The following CFAP20DC variants were observed in gnomAD, a reference collection of about 807,000 sequenced individuals.
CFAP20DC encodes CFAP20 domain containing, also known as protein CFAP20DC.
Under a neutral mutation model 101.7 loss-of-function variants are expected in CFAP20DC, and 84 were observed. That is an observed-to-expected ratio of 0.83 (90% CI 0.69 to 0.99). The LOEUF is 0.99. Ranked by LOEUF, CFAP20DC falls within the 50% of genes least tolerant of loss-of-function variation. CFAP20DC has a pLI of 0.00. For missense variants in CFAP20DC, 1,007 were observed against 970.3 expected (o/e 1.04, Z -0.50); for synonymous variants, 359 against 351.2 (o/e 1.02, Z -0.25).
intron 13 of CFAP20DC, among the ~76,000 whole-genome samples, chr3:58,838,677 T>C (rs972289030): frequency 3.5e-4 from 54 of 152,328 alleles, no homozygotes; most frequent in African/African-American, 1.2e-3. Context: ...TATACTTCCA[T>C]ACATTTTGCT....
chr3:58,974,443 C>T (rs965572935), intron 4 of CFAP20DC, among the ~76,000 whole-genome samples: 1 of 152,008 alleles, frequency 6.6e-6, no homozygotes, highest in Non-Finnish European at 1.5e-5. Context: ...TGGTTTTGTT[C>T]TTTTTTATGG....
At chr3:58,956,569 G>A (rs930896932) in intron 4 of CFAP20DC, among the ~76,000 whole-genome samples, 6 of 152,264 alleles carry the variant, frequency 3.9e-5, no homozygotes, top group Non-Finnish European at 7.3e-5. Context: ...CCTGGCTCCC[G>A]GATGGCACCT....
intron 7 of CFAP20DC, among the ~76,000 whole-genome samples, chr3:58,879,382 T>C (rs1162754472): frequency 6.6e-6 from 1 of 152,204 alleles, no homozygotes; most frequent in Non-Finnish European, 1.5e-5. Context: ...GAAAGAGGAT[T>C]AAATGTATAG....
At chr3:58,819,319 CA>C (rs1283971511) in intron 14 of CFAP20DC, among the ~76,000 whole-genome samples, 6 of 152,086 alleles carry the variant, frequency 3.9e-5, no homozygotes, top group East Asian at 1.9e-4. Context: ...AATAGAGACA[CA>C]AAAAACCCTT....
chr3:58,816,061 G>A lies in CFAP20DC; in HGVS notation c.2176-9605C>T, dbSNP rs549212223. On this transcript the variant is annotated intron_variant, in intron 14 of 16. Coordinates refer to ENST00000482387, the MANE Select transcript of CFAP20DC (RefSeq NM_001394063.1). ...TGCTGCTATAAAGACACATGCACACGTATATTTATTGTGGCATTATTCACA... is the reference window on the plus strand; with the variant it reads ...TGCTGCTATAAAGACACATGCACACATATATTTATTGTGGCATTATTCACA... 1.2e-4 allele frequency among the ~76,000 whole-genome samples: 18 copies of A among 151,904 alleles called. No individual in the cohort carries two copies. The East Asian group carries it at 2.5e-3, about 21-fold the overall frequency.
chr3:58,975,529 T>G (rs112816856), intron 4 of CFAP20DC, among the ~76,000 whole-genome samples: 3 of 152,346 alleles, frequency 2.0e-5, no homozygotes, highest in African/African-American at 7.2e-5. Context: ...TTACTCTTTA[T>G]TTTTCTATAC....
chr3:58,817,380 T>G (rs2075275352), intron 14 of CFAP20DC, among the ~76,000 whole-genome samples: 1 of 151,584 alleles, frequency 6.6e-6, no homozygotes, highest in East Asian at 1.9e-4. Flanking sequence ...GCAAAGAAGT[T>G]GAAAACTTCG....
At chr3:59,023,014 G>A (rs1219655143) in intron 4 of CFAP20DC, among the ~76,000 whole-genome samples, 1 of 152,088 alleles carries the variant, frequency 6.6e-6, no homozygotes, top group Non-Finnish European at 1.5e-5. Flanking sequence ...TAGAGGTGTG[G>A]TGGAGAGAAA....
chr3:58,995,676 G>T (rs1227833094), intron 4 of CFAP20DC, among the ~76,000 whole-genome samples: 1 of 152,196 alleles, frequency 6.6e-6, no homozygotes, highest in Admixed American at 6.5e-5. Flanking sequence ...TAGACTGAGT[G>T]AAGTAAATTG....
At chr3:58,847,626 A>G (rs1412556129) in intron 13 of CFAP20DC, among the ~76,000 whole-genome samples, 6 of 151,974 alleles carry the variant, frequency 3.9e-5, no homozygotes, top group African/African-American at 9.7e-5. Context: ...TCAGGGATCT[A>G]GAACTGGAAA....
At chr3:58,767,483 T>C (rs1388122793) in intron 15 of CFAP20DC, among the ~76,000 whole-genome samples, 1 of 152,242 alleles carries the variant, frequency 6.6e-6, no homozygotes, top group Admixed American at 6.5e-5. Flanking sequence ...CATTTCTTCA[T>C]AGAATTCATC....
intron 14 of CFAP20DC, among the ~76,000 whole-genome samples, chr3:58,813,140 A>G (rs2074806493): frequency 6.6e-6 from 1 of 151,884 alleles, no homozygotes; most frequent in Non-Finnish European, 1.5e-5. Flanking sequence ...AACCTCAAGT[A>G]CTGATCAATA....
chr3:58,986,129 C>A (rs372597952), intron 4 of CFAP20DC, among the ~76,000 whole-genome samples: 1 of 151,874 alleles, frequency 6.6e-6, no homozygotes, highest in African/African-American at 2.4e-5. Flanking sequence ...ACATAGTCTG[C>A]GAAAATATAA....
intron 4 of CFAP20DC, among the ~76,000 whole-genome samples, chr3:58,973,129 C>A (rs967850355): frequency 1.3e-5 from 2 of 152,062 alleles, no homozygotes; most frequent in Non-Finnish European, 2.9e-5. Context: ...CATTCTCACC[C>A]GAGTTTTAAA....
intron 15 of CFAP20DC, among the ~76,000 whole-genome samples, chr3:58,765,423 G>A (rs2070184977): frequency 7.2e-6 from 1 of 139,620 alleles, no homozygotes; most frequent in African/African-American, 2.7e-5. Context: ...AATTATTCTT[G>A]GTTCCTACAC....
At chr3:58,934,539 C>T (rs532122641) in intron 5 of CFAP20DC, among the ~76,000 whole-genome samples, 2 of 152,280 alleles carry the variant, frequency 1.3e-5, no homozygotes, top group African/African-American at 4.8e-5. Context: ...TACTGGCAAA[C>T]CGAATCCAGC....
chr3:59,012,587 G>A (rs140817023), intron 4 of CFAP20DC, among the ~76,000 whole-genome samples: 2 of 152,322 alleles, frequency 1.3e-5, no homozygotes, highest in Non-Finnish European at 2.9e-5. Context: ...CAATACCACA[G>A]TAAAGCTCAT....
At chr3:58,938,591 A>G (rs751800495) in intron 4 of CFAP20DC, among the ~76,000 whole-genome samples, 16 of 152,184 alleles carry the variant, frequency 1.1e-4, no homozygotes, top group Non-Finnish European at 1.8e-4. Flanking sequence ...CTAATTTTCT[A>G]TATTTAGTAA....
rs573908347 is a variant in CFAP20DC at position 58,903,770 on chromosome 3, C to T, written c.550+9938G>A. ...CTCCCACCACAACACATGGGGATTACGAGAACTACAACTCAAGATGAGATT... is the reference window on the plus strand; with the variant it reads ...CTCCCACCACAACACATGGGGATTATGAGAACTACAACTCAAGATGAGATT... On this transcript the variant is annotated intron_variant, in intron 6 of 16. Coordinates refer to ENST00000482387, the MANE Select transcript of CFAP20DC (RefSeq NM_001394063.1). Among the ~76,000 whole-genome samples the T allele has an allele frequency of 1.4e-4, 21 of 152,278 alleles. No individual in the cohort carries two copies. The South Asian group carries it at 3.5e-3, about 26-fold the overall frequency.
Sources: allele counts gnomAD v4.1 joint callset (sites outside exome capture counted in the v4.1 genomes callset), GRCh38; gene constraint gnomAD v4.1.1; transcripts MANE v1.5; gene names NCBI Gene and HGNC (gene_info 2026-07-23, HGNC 2026-07-21).